The following RAPGEF4 variants were observed in gnomAD, a reference collection of about 807,000 sequenced individuals.
The protein encoded by RAPGEF4 is Rap guanine nucleotide exchange factor 4.
In RAPGEF4, 66 loss-of-function variants were observed where a neutral mutation model predicts 147.9. The observed-to-expected ratio is 0.45, with a 90% CI of 0.37 to 0.55. The LOEUF is 0.55. Ranked by LOEUF, RAPGEF4 falls within the 20% of genes least tolerant of loss-of-function variation. The probability of loss-of-function intolerance (pLI) is 0.00; values close to 1 mark genes in which losing one functional copy is unlikely to be tolerated. For synonymous variants in RAPGEF4, 419 were observed against 442.7 expected (o/e 0.95, Z 0.67); for missense variants, 1,071 against 1,257.3 (o/e 0.85, Z 2.24).
At chr2:172,993,984 A>G (rs191164047) in intron 15 of RAPGEF4, among the ~76,000 whole-genome samples, 1 of 152,342 alleles carries the variant, frequency 6.6e-6, no homozygotes, top group African/African-American at 2.4e-5. Context: ...TCAGATCTCT[A>G]TTACTTTTGA....
At position 172,961,225 on chromosome 2, in the gene RAPGEF4, A is replaced by G; in HGVS notation, c.695A>G (p.Tyr232Cys). 1 of 1,580,534 alleles carries G rather than the reference A, an allele frequency of 6.3e-7. No individual in the cohort carries two copies. The highest frequency in any genetic ancestry group is 8.7e-7 in the Non-Finnish European group (1 of 1,149,518). The change falls in exon 8 of 31, where the codon TAC becomes TGC. Residue 232 changes from tyrosine to cysteine, a missense_variant. Transcript: ENST00000397081. ...IRDRKYHLKT[Y>C]RQCCVGTELV... Reference sequence around the variant, plus strand: ...GATAGAAAATACCACCTAAAGACATACAGGTATGTGTGCTAATTCTAAAGG... The same window carrying G: ...GATAGAAAATACCACCTAAAGACATGCAGGTATGTGTGCTAATTCTAAAGG...
chr2:172,760,827 C>A (rs1696246500), intron 1 of RAPGEF4, among the ~76,000 whole-genome samples: 1 of 150,788 alleles, frequency 6.6e-6, no homozygotes, highest in Admixed American at 6.6e-5. Context: ...ATTTGAACAA[C>A]AGAGAGAAGA....
At chr2:172,754,107 C>T (rs1307030092) in intron 1 of RAPGEF4, among the ~76,000 whole-genome samples, 5 of 152,296 alleles carry the variant, frequency 3.3e-5, no homozygotes, top group East Asian at 3.9e-4. Context: ...TAAACTCTAT[C>T]ACCAGGAATA....
chr2:172,764,252 C>A (rs1361929944), intron 1 of RAPGEF4, among the ~76,000 whole-genome samples: 1 of 145,458 alleles, frequency 6.9e-6, no homozygotes, highest in South Asian at 2.2e-4. Flanking sequence ...GACCCTGTCT[C>A]AAAAAAAAAA....
chr2:172,857,548 C>T (rs2149761697), intron 4 of RAPGEF4, among the ~76,000 whole-genome samples: 1 of 152,270 alleles, frequency 6.6e-6, no homozygotes, highest in East Asian at 1.9e-4. Flanking sequence ...ATGAAAATCC[C>T]TATTTTCAGA....
intron 17 of RAPGEF4, among the ~76,000 whole-genome samples, chr2:173,012,826 C>A (rs962197949): frequency 6.6e-6 from 1 of 152,160 alleles, no homozygotes; most frequent in Non-Finnish European, 1.5e-5. Context: ...TTGGTACCTA[C>A]CATGCATCTG....
In RAPGEF4 at chr2:173,052,753, T is replaced by C. The variant is rs1271640949; in HGVS notation, c.*986T>C. ...GTGCCAAATAATTACTTTTTATTTA[T>C]TTTATTTAGTACGTAATTTTGAAGT... On this transcript the variant is annotated 3_prime_UTR_variant, in exon 31 of 31. Coordinates refer to ENST00000397081, the MANE Select transcript of RAPGEF4 (RefSeq NM_007023.4). The C allele has an allele frequency of 6.6e-6, 1 of 152,656 alleles. No homozygotes were observed. Among genetic ancestry groups the C allele is most frequent in the African/African-American group, 2.4e-5 (1 of 41,456 alleles). 9.5% of individuals were successfully genotyped at this position (152,656 alleles called of 1,614,324 possible). A position where few individuals can be genotyped will look rare whatever the true frequency, so the allele number is the denominator to read the frequency against.
At chr2:173,031,914 C>T (rs919164538) in intron 26 of RAPGEF4, among the ~76,000 whole-genome samples, 8 of 151,990 alleles carry the variant, frequency 5.3e-5, no homozygotes, top group African/African-American at 1.7e-4. Flanking sequence ...CTGCACTTGC[C>T]GAGAAAACCT....
chr2:172,743,113 A>T (rs1340665573), intron 1 of RAPGEF4, among the ~76,000 whole-genome samples: 1 of 152,136 alleles, frequency 6.6e-6, no homozygotes, highest in African/African-American at 2.4e-5. Flanking sequence ...CAGTCAGAAT[A>T]AAATCACGTT....
intron 4 of RAPGEF4, among the ~76,000 whole-genome samples, chr2:172,888,981 T>G (rs1697572478): frequency 6.6e-6 from 1 of 152,162 alleles, no homozygotes; most frequent in African/African-American, 2.4e-5. Flanking sequence ...GAACTTTAAT[T>G]GACTTCCTAG....
chr2:173,020,745 A>G (rs552943718), intron 23 of RAPGEF4, 30 bp downstream of exon 23: 1 of 1,558,242 alleles, frequency 6.4e-7, no homozygotes, highest in Non-Finnish European at 8.8e-7. Flanking sequence ...TCAGAGCAGC[A>G]TTGCAATCAG....
chr2:172,833,855 C>T (rs1016330760), intron 4 of RAPGEF4, among the ~76,000 whole-genome samples: 2 of 152,124 alleles, frequency 1.3e-5, no homozygotes, highest in African/African-American at 4.8e-5. Context: ...AGTTACACAT[C>T]CCTAAGGACA....
At chr2:172,977,628 G>A (rs754622340) in intron 10 of RAPGEF4, among the ~76,000 whole-genome samples, 1 of 152,062 alleles carries the variant, frequency 6.6e-6, no homozygotes, top group Non-Finnish European at 1.5e-5. Flanking sequence ...ACTTTGGTGG[G>A]CACAGGTTGA....
intron 6 of RAPGEF4, among the ~76,000 whole-genome samples, chr2:172,925,135 A>G (rs1197860521): frequency 1.3e-5 from 2 of 152,034 alleles, no homozygotes; most frequent in Non-Finnish European, 2.9e-5. Context: ...ACCCACCACC[A>G]TGCCTGGCTA....
chr2:173,043,914 G>C (rs1685088278), intron 29 of RAPGEF4, among the ~76,000 whole-genome samples: 1 of 152,294 alleles, frequency 6.6e-6, no homozygotes, highest in African/African-American at 2.4e-5. Flanking sequence ...TCTTTGTACT[G>C]GTCACTCTGA....
intron 4 of RAPGEF4, among the ~76,000 whole-genome samples, chr2:172,877,177 T>C (rs892786182): frequency 6.6e-6 from 1 of 152,230 alleles, no homozygotes; most frequent in Non-Finnish European, 1.5e-5. Flanking sequence ...TGGAATACTA[T>C]GCAGGCATAA....
intron 1 of RAPGEF4, among the ~76,000 whole-genome samples, chr2:172,753,205 A>G (rs1304055377): frequency 6.6e-6 from 1 of 152,154 alleles, no homozygotes; most frequent in African/African-American, 2.4e-5. Flanking sequence ...AAAGTGGTTG[A>G]TTTGCAAAAC....
chr2:173,030,382 G>A, intron 26 of RAPGEF4, 128 bp downstream of exon 26: 1 of 714,704 alleles, frequency 1.4e-6, no homozygotes, highest in Non-Finnish European at 2.4e-6. Flanking sequence ...ACACTTGGAG[G>A]GAGGTGACCT....
intron 3 of RAPGEF4, among the ~76,000 whole-genome samples, chr2:172,809,418 G>A (rs774593465): frequency 2.0e-4 from 30 of 152,184 alleles, no homozygotes; most frequent in Non-Finnish European, 3.7e-4. Flanking sequence ...GTACCCAGCA[G>A]GTTATCAAGG....
Sources: allele counts gnomAD v4.1 joint callset (sites outside exome capture counted in the v4.1 genomes callset), GRCh38; gene constraint gnomAD v4.1.1; transcripts MANE v1.5; gene names NCBI Gene and HGNC (gene_info 2026-07-23, HGNC 2026-07-21).